The following RBM20 variants were observed in gnomAD, a reference collection of about 807,000 sequenced individuals.
RBM20 encodes the protein RNA-binding protein 20.
Under a neutral mutation model 110.1 loss-of-function variants are expected in RBM20, and 51 were observed. The ratio of observed to expected loss-of-function variants is 0.46; its 90% CI spans 0.37 to 0.59. The LOEUF (loss-of-function observed/expected upper bound fraction) is 0.59, where lower values mean the gene tolerates loss of function less well. Among genes scored for constraint, RBM20 ranks in the 20% least tolerant of loss-of-function variants. The probability of loss-of-function intolerance (pLI) is 0.00; values close to 1 mark genes in which losing one functional copy is unlikely to be tolerated. For synonymous variants in RBM20, 589 were observed against 618.2 expected, an observed-to-expected ratio of 0.95 and a Z score of 0.70; for missense variants, 1,512 against 1,574.9, an observed-to-expected ratio of 0.96 and a Z score of 0.68.
chr10:110,803,063 T>C (rs1844650254), intron 7 of RBM20, among the ~76,000 whole-genome samples: 1 of 151,846 alleles, frequency 6.6e-6, no homozygotes, highest in Admixed American at 6.5e-5. Context: ...GCAGTAATTA[T>C]AAGAGTACAA....
At chr10:110,773,082 T>G (rs554297649) in intron 1 of RBM20, among the ~76,000 whole-genome samples, 12 of 152,364 alleles carry the variant, frequency 7.9e-5, no homozygotes, top group South Asian at 6.2e-4. Context: ...GATTTCTAGC[T>G]TCCTGATTTT....
intron 5 of RBM20, among the ~76,000 whole-genome samples, chr10:110,796,092 T>C (rs574258130): frequency 4.6e-5 from 7 of 152,376 alleles, no homozygotes; most frequent in Middle Eastern, 3.4e-3. Context: ...ATGTATTAGA[T>C]TCCCACAAAC....
chr10:110,781,865 A>G lies in RBM20; in HGVS notation c.1256A>G (p.Lys419Arg). 3 of 1,551,748 alleles carry G rather than the reference A, an allele frequency of 1.9e-6. No individual in the cohort carries two copies. The highest frequency in any genetic ancestry group is 2.6e-6 in the Non-Finnish European group (3 of 1,147,014). The part of the protein sequence containing the change: ...HLPHICSICD[K>R]KVFDLKDWEL... ...CCGCATATCTGTAGCATCTGTGACA[A>G]GAAGGTGTTTGATTTGAAGGTGAGT... is the stretch of plus-strand genomic sequence containing the variant. Residue 419 changes from lysine (K) to arginine (R), a missense_variant, in exon 2 of 14, where the codon AAG becomes AGG. Coordinates refer to ENST00000369519, the MANE Select transcript of RBM20 (RefSeq NM_001134363.3).
chr10:110,781,422 G>A lies in RBM20; in HGVS notation c.813G>A (p.Gly271=), dbSNP rs1844344986. The change falls in exon 2 of 14, where the codon GGG becomes GGA. Residue 271 remains glycine (G), a synonymous_variant. Transcript: ENST00000369519. ...ATGAAGGGCACTACAGCCACACAGG[G>A]CAGGATGGTCAAGCTGCCTTTTCCA... The part of the protein sequence containing the change: ...VTYEGHYSHT[G]QDGQAAFSKD... 5 of 1,551,664 alleles carry A rather than the reference G, an allele frequency of 3.2e-6. No individual in the cohort carries two copies. Among genetic ancestry groups the A allele is most frequent in the South Asian group, 2.4e-5 (2 of 84,066 alleles).
rs1015015218 is a variant in RBM20, at chr10:110,644,403, C to T, written c.-52C>T. On this transcript the variant is annotated 5_prime_UTR_variant, in exon 1 of 14. Transcript: ENST00000369519. This position sits in a 1 kb window ranked among gnomAD's most constrained non-coding sequence, Gnocchi z 4.3. ...GCCAGTGAGCGCCCGTGGCCCGGGA[C>T]CGCCCCTCCCTTGAGCTCTCTCGCC... 2.1e-5 allele frequency: 28 copies of T among 1,362,362 alleles called. No homozygotes were observed. In the African/African-American group the frequency reaches 4.3e-4, roughly 21 times the overall value. 84.4% of individuals were successfully genotyped at this position (1,362,362 alleles called of 1,614,324 possible).
chr10:110,774,224 T>C (rs541199791), intron 1 of RBM20, among the ~76,000 whole-genome samples: 1 of 152,290 alleles, frequency 6.6e-6, no homozygotes, highest in East Asian at 1.9e-4. Context: ...GTGAGAACAC[T>C]CATTAACACA....
rs571061158 is a variant in RBM20 at position 110,700,599 on chromosome 10, C to T, written c.191+55954C>T. 3.9e-5 allele frequency among the ~76,000 whole-genome samples: 6 copies of T among 152,290 alleles called. No homozygotes were observed. In the East Asian group the frequency reaches 9.6e-4, roughly 24 times the overall value. ...AGTCTTTCCATCCCCTACCTTGCCA[C>T]GTTCCATGATGTTTTTGTTCTTATG... is the stretch of plus-strand genomic sequence containing the variant. On this transcript the variant is annotated intron_variant, in intron 1 of 13. Coordinates refer to ENST00000369519, the MANE Select transcript of RBM20 (RefSeq NM_001134363.3).
intron 5 of RBM20, among the ~76,000 whole-genome samples, chr10:110,786,067 C>A (rs1401243269): frequency 6.6e-6 from 1 of 152,200 alleles, no homozygotes; most frequent in Non-Finnish European, 1.5e-5. Context: ...TCCTTTTTCA[C>A]CAACGGTGAC....
chr10:110,796,331 A>G (rs1488258991), intron 5 of RBM20, among the ~76,000 whole-genome samples: 3 of 152,262 alleles, frequency 2.0e-5, no homozygotes, highest in Non-Finnish European at 4.4e-5. Flanking sequence ...AGAGACCAGT[A>G]TAATTAATCC....
intron 1 of RBM20, among the ~76,000 whole-genome samples, chr10:110,646,618 G>A (rs909533071): frequency 3.3e-5 from 5 of 152,200 alleles, no homozygotes; most frequent in Admixed American, 3.3e-4. Flanking sequence ...AGGATGATTT[G>A]GAGCTTGTGC....
intron 12 of RBM20, among the ~76,000 whole-genome samples, chr10:110,830,501 C>A (rs150806310): frequency 4.0e-4 from 61 of 152,072 alleles, no homozygotes; most frequent in Non-Finnish European, 6.9e-4. Flanking sequence ...CTAAAATGGC[C>A]CCCCCAAAAG....
At chr10:110,811,470 T>TA (rs1009261140) in intron 8 of RBM20, among the ~76,000 whole-genome samples, 6 of 152,304 alleles carry the variant, frequency 3.9e-5, no homozygotes, top group East Asian at 1.9e-4. Context: ...TCTGTTTTTT[T>TA]AAAAAAATTC....
chr10:110,835,945 A>G lies in RBM20; in HGVS notation c.3651A>G (p.Gly1217=). 5 of 1,388,578 alleles carry G rather than the reference A, an allele frequency of 3.6e-6. No individual in the cohort carries two copies. The highest frequency in any genetic ancestry group is 1.3e-5 in the South Asian group (1 of 79,640). 86.0% of individuals were successfully genotyped at this position (1,388,578 alleles called of 1,614,324 possible). A position where few individuals can be genotyped will look rare whatever the true frequency, so the allele number is the denominator to read the frequency against. ...ATAGCCCGAGGCCAGAGGACAGCGG[A>G]ATCGTGCCACGCTTCGAAAGGAAAA... The part of the protein sequence containing the change: ...GADSPRPEDS[G]IVPRFERKKL Residue 1217 remains glycine (G), a synonymous_variant, in exon 14 of 14, where the codon GGA becomes GGG. Transcript: ENST00000369519.
intron 1 of RBM20, among the ~76,000 whole-genome samples, chr10:110,684,429 G>C (rs200984647): frequency 4.5e-4 from 55 of 122,768 alleles, no homozygotes; most frequent in South Asian, 4.3e-3. Flanking sequence ...CAAAACAAAA[G>C]AAAAAGAAAA....
chr10:110,796,646 G>A (rs578092983), intron 5 of RBM20, among the ~76,000 whole-genome samples: 104 of 152,290 alleles, frequency 6.8e-4, no homozygotes, highest in African/African-American at 2.4e-3. Context: ...CCAGCTATTC[G>A]GGAGGCTGAG....
intron 12 of RBM20, 50 bp from the exon 13 acceptor site, chr10:110,831,011 G>A (rs1161567025): frequency 2.7e-6 from 4 of 1,508,034 alleles, no homozygotes; most frequent in Non-Finnish European, 3.6e-6. Context: ...ACAGGGGCCT[G>A]CCTCCCATGC....
intron 1 of RBM20, among the ~76,000 whole-genome samples, chr10:110,697,079 G>A (rs193059306): frequency 6.1e-4 from 93 of 152,288 alleles, no homozygotes; most frequent in African/African-American, 1.7e-3. Context: ...GCCAAAGATG[G>A]CTCAGGCTTG....
rs1590673849 is a variant in RBM20, at chr10:110,780,903, C to T, written c.294C>T (p.Leu98=). ...SLQLAQLQAQ[L]TLHRLKLAQT... is the part of the protein sequence containing the mutation. ...AGCTGGCTCAACTGCAGGCCCAGCT[C>T]ACCCTCCACCGGCTGAAGCTGGCAC... Residue 98 remains leucine, a synonymous_variant, in exon 2 of 14, where the codon CTC becomes CTT. Transcript: ENST00000369519. 2 of 1,551,576 alleles carry T rather than the reference C, an allele frequency of 1.3e-6. No homozygotes were observed. The highest frequency in any genetic ancestry group is 2.4e-5 in the South Asian group (2 of 84,054).
rs144987673 is a variant in RBM20, at chr10:110,787,618, G to A, written c.1527+2729G>A. On this transcript the variant is annotated intron_variant, in intron 5 of 13. Transcript: ENST00000369519. ...TCCCATGGATGTACTTTTAAATTAC[G>A]TACCAGTGGGCAAGCACAAGCTATC... Among the ~76,000 whole-genome samples the A allele has an allele frequency of 1.2e-4, 18 of 152,328 alleles. No homozygotes were observed. The East Asian group carries it at 2.1e-3, about 18-fold the overall frequency.
Sources: allele counts gnomAD v4.1 joint callset (sites outside exome capture counted in the v4.1 genomes callset), GRCh38; gene constraint gnomAD v4.1.1; non-coding constraint Gnocchi (gnomAD v3.1); transcripts MANE v1.5; gene names NCBI Gene and HGNC (gene_info 2026-07-23, HGNC 2026-07-21).